The following CREM variants were observed in gnomAD, a reference collection of about 807,000 sequenced individuals.
The protein encoded by CREM is cAMP-responsive element modulator.
A neutral mutation model predicts 37.3 loss-of-function variants in CREM; 13 were observed. That is an observed-to-expected ratio of 0.35 (90% CI 0.23 to 0.55). The LOEUF (loss-of-function observed/expected upper bound fraction) is 0.55. Among genes scored for constraint, CREM ranks in the 20% least tolerant of loss-of-function variants. CREM has a pLI of 0.88. For missense variants in CREM, 296 were observed against 362.3 expected (o/e 0.82, Z 1.49); for synonymous variants, 124 against 120.2 (o/e 1.03, Z -0.21).
At chr10:35,207,642 T>C (rs907382593) in intron 7 of CREM, among the ~76,000 whole-genome samples, 5 of 151,654 alleles carry the variant, frequency 3.3e-5, no homozygotes, top group Non-Finnish European at 7.4e-5. Flanking sequence ...GGTGTGGTGG[T>C]GTGCACCTGT....
chr10:35,131,347 G>GT (rs1049730365), intron 1 of CREM, among the ~76,000 whole-genome samples: 3 of 151,856 alleles, frequency 2.0e-5, no homozygotes, highest in Admixed American at 1.3e-4. Context: ...TTTTTTGTGT[G>GT]TTTTTTTAAA....
At chr10:35,167,011 C>A (rs1367252033) in intron 3 of CREM, among the ~76,000 whole-genome samples, 1 of 151,944 alleles carries the variant, frequency 6.6e-6, no homozygotes, top group Non-Finnish European at 1.5e-5. Context: ...CGTGGTGGCA[C>A]ATGCCTATAA....
chr10:35,155,767 A>G (rs961883403), intron 3 of CREM, among the ~76,000 whole-genome samples: 1 of 151,568 alleles, frequency 6.6e-6, no homozygotes, highest in Admixed American at 6.6e-5. Context: ...AGCTGGGACT[A>G]CAGGCGCGTG....
At chr10:35,149,903 C>CACACAG (rs1202667566) in intron 3 of CREM, among the ~76,000 whole-genome samples, 3 of 107,476 alleles carry the variant, frequency 2.8e-5, no homozygotes, top group African/African-American at 8.9e-5. Flanking sequence ...CACACACACA[C>CACACAG]ACACACACAC....
At chr10:35,174,571 A>G (rs1198825163) in intron 3 of CREM, among the ~76,000 whole-genome samples, 1 of 152,194 alleles carries the variant, frequency 6.6e-6, no homozygotes, top group Non-Finnish European at 1.5e-5. Context: ...GTGTTCCTCA[A>G]AGTGAAGTCA....
chr10:35,176,689 G>A (rs938841021), intron 3 of CREM, among the ~76,000 whole-genome samples: 2 of 151,964 alleles, frequency 1.3e-5, no homozygotes, highest in African/African-American at 2.4e-5. Flanking sequence ...GATTACAGGC[G>A]TGAGCCACTG....
chr10:35,135,864 GA>G (rs1365166576), intron 1 of CREM, among the ~76,000 whole-genome samples: 2 of 152,054 alleles, frequency 1.3e-5, no homozygotes, highest in Non-Finnish European at 2.9e-5. Context: ...AATAGAGGGG[GA>G]AATGCTGTAG....
intron 6 of CREM, among the ~76,000 whole-genome samples, chr10:35,197,993 C>G (rs968631902): frequency 1.3e-5 from 2 of 152,126 alleles, no homozygotes; most frequent in African/African-American, 4.8e-5. Flanking sequence ...TTATATAAAA[C>G]AAGTTTCAGA....
At chr10:35,192,779 G>T (rs1276330250) in intron 6 of CREM, among the ~76,000 whole-genome samples, 1 of 152,122 alleles carries the variant, frequency 6.6e-6, no homozygotes, top group Non-Finnish European at 1.5e-5. Flanking sequence ...GAGGAAATTG[G>T]GTGGGGATAC....
chr10:35,179,459 T>A, intron 5 of CREM, 183 bp downstream of exon 5: 1 of 733,456 alleles, frequency 1.4e-6, no homozygotes, highest in Non-Finnish European at 1.9e-6. Flanking sequence ...AGCTGTCATA[T>A]AATTTTGAAA....
chr10:35,194,490 A>G (rs1176211184), intron 6 of CREM, among the ~76,000 whole-genome samples: 2 of 152,246 alleles, frequency 1.3e-5, no homozygotes, highest in African/African-American at 2.4e-5. Flanking sequence ...ATGTGATTCA[A>G]TCTAGTAGTT....
Position 35,179,210 on chromosome 10 carries a change from A to T in CREM, c.343A>T (p.Thr115Ser). ...IEEERSEEEGTPPSIATMAVP... is the reference protein window; with the variant it reads ...IEEERSEEEGSPPSIATMAVP... ...AGAAGAGAGATCAGAGGAAGAAGGAACACCACCTAGTATTGCTACCATGGC... is the reference window on the plus strand; with the variant it reads ...AGAAGAGAGATCAGAGGAAGAAGGATCACCACCTAGTATTGCTACCATGGC... Residue 115 changes from threonine (T) to serine (S), a missense_variant, in exon 5 of 8, where the codon ACA becomes TCA. Physicochemically the swap from Thr to Ser is moderately conservative, Grantham distance 58. Around this residue, in one of 2 missense-constraint regions of CREM, gnomAD observed 257 missense variants for 280.2 expected, o/e 0.92. Transcript: ENST00000685392. 1 of 1,614,142 alleles carries T rather than the reference A, an allele frequency of 6.2e-7. No homozygotes were observed. The highest frequency in any genetic ancestry group is 8.5e-7 in the Non-Finnish European group (1 of 1,179,988).
intron 5 of CREM, among the ~76,000 whole-genome samples, chr10:35,182,353 C>T (rs1294265157): frequency 6.6e-6 from 1 of 150,954 alleles, no homozygotes; most frequent in Non-Finnish European, 1.5e-5. Context: ...GGAGATTTTC[C>T]TATTTTTTTC....
chr10:35,173,001 C>T (rs2093894361), intron 3 of CREM, among the ~76,000 whole-genome samples: 1 of 152,208 alleles, frequency 6.6e-6, no homozygotes, highest in South Asian at 2.1e-4. Flanking sequence ...TGACAATATT[C>T]ATAGTTTTCT....
intron 3 of CREM, among the ~76,000 whole-genome samples, chr10:35,159,723 C>T (rs575905534): frequency 3.9e-5 from 6 of 152,250 alleles, no homozygotes; most frequent in African/African-American, 7.2e-5. Flanking sequence ...AACAGTATTA[C>T]GTCAAACTAT....
At chr10:35,196,152 G>A (rs1239624736) in intron 6 of CREM, 2 of 1,588,098 alleles carry the variant, frequency 1.3e-6, no homozygotes, top group African/African-American at 2.7e-5. Context: ...GGTGAGAAAT[G>A]GATTATGTAT....
intron 5 of CREM, among the ~76,000 whole-genome samples, chr10:35,187,490 C>G (rs2094701522): frequency 6.6e-6 from 1 of 150,760 alleles, no homozygotes; most frequent in South Asian, 2.1e-4. Flanking sequence ...AAACTCCTGA[C>G]CTCAGGTGAT....
chr10:35,159,536 G>A (rs1463016517), intron 3 of CREM, among the ~76,000 whole-genome samples: 1 of 152,276 alleles, frequency 6.6e-6, no homozygotes, highest in East Asian at 1.9e-4. Context: ...ACAGAAGAAT[G>A]AAATTAGGCC....
chr10:35,146,613 G>A (rs1278154918), intron 2 of CREM, among the ~76,000 whole-genome samples: 1 of 152,150 alleles, frequency 6.6e-6, no homozygotes, highest in African/African-American at 2.4e-5. Context: ...AATTGGAGAG[G>A]CCACTCTGGG....
Sources: gnomAD v4.1 joint callset for allele counts (sites outside exome capture counted in the v4.1 genomes callset) on GRCh38, gnomAD v4.1.1 for gene constraint, gnomAD v4.1.1 regional missense constraint, MANE v1.5 for transcripts, NCBI Gene and HGNC (gene_info 2026-07-23, HGNC 2026-07-21) for gene names.